Variants in MARCHF7 observed in about 807,000 individuals in gnomAD.
MARCHF7 encodes E3 ubiquitin-protein ligase MARCHF7.
MARCHF7 carries 20 observed loss-of-function variants against 76.5 expected under a neutral mutation model. The observed-to-expected ratio is 0.26, with a 90% CI of 0.18 to 0.38. The LOEUF is 0.38. Ranked by LOEUF, MARCHF7 falls within the 10% of genes least tolerant of loss-of-function variation. The probability of loss-of-function intolerance (pLI) is 1.00; values close to 1 mark genes in which losing one functional copy is unlikely to be tolerated. For synonymous variants in MARCHF7, 295 were observed against 293.0 expected (o/e 1.01, Z -0.07); for missense variants, 797 against 812.9 (o/e 0.98, Z 0.24).
intron 4 of MARCHF7, among the ~76,000 whole-genome samples, chr2:159,738,042 G>A (rs1417128591): frequency 6.6e-6 from 1 of 152,228 alleles, no homozygotes; most frequent in African/African-American, 2.4e-5. Context: ...CGCCTGCCAA[G>A]GGTGAGCCAG....
intron 7 of MARCHF7, among the ~76,000 whole-genome samples, chr2:159,749,540 G>T (rs1705353372): frequency 6.6e-6 from 1 of 151,736 alleles, no homozygotes; most frequent in Non-Finnish European, 1.5e-5. Flanking sequence ...TAGAGGCAGG[G>T]TTTCACCACA....
In MARCHF7 at chr2:159,741,673, G is replaced by T. The variant is rs547180993; in HGVS notation, c.154-1388G>T. Reference sequence around the variant, plus strand: ...GTAGACTGAAATTATGGCCCATGATGCATTCCATTTTAACTCTTTTGTTAA... The same window carrying T: ...GTAGACTGAAATTATGGCCCATGATTCATTCCATTTTAACTCTTTTGTTAA... On this transcript the variant is annotated intron_variant, in intron 4 of 11. Coordinates refer to ENST00000409175, the MANE Select transcript of MARCHF7 (RefSeq NM_001282805.2). Among the ~76,000 whole-genome samples, 15 of 152,270 alleles carry T rather than the reference G, an allele frequency of 9.9e-5. No homozygotes were observed. The South Asian group carries it at 3.1e-3, about 32-fold the overall frequency.
intron 5 of MARCHF7, 133 bp from the exon 6 acceptor site, chr2:159,745,637 C>T: frequency 1.7e-6 from 1 of 576,882 alleles, no homozygotes; most frequent in Non-Finnish European, 2.8e-6. Flanking sequence ...GCCTGGGTGA[C>T]AGAGTGAGAC....
intron 3 of MARCHF7, among the ~76,000 whole-genome samples, chr2:159,721,421 T>G (rs1285016913): frequency 6.6e-6 from 1 of 152,236 alleles, no homozygotes; most frequent in Non-Finnish European, 1.5e-5. Context: ...TTTACTCTTG[T>G]TGCTGTGTCA....
intron 4 of MARCHF7, among the ~76,000 whole-genome samples, chr2:159,731,879 C>T (rs566818064): frequency 1.3e-3 from 202 of 151,840 alleles, no homozygotes; most frequent in African/African-American, 4.6e-3. Flanking sequence ...CTTAGGCAGG[C>T]GGATCACAAG....
chr2:159,743,452 T>C (rs1035218687), intron 5 of MARCHF7, among the ~76,000 whole-genome samples, 199 bp downstream of exon 5: 16 of 152,310 alleles, frequency 1.1e-4, no homozygotes, highest in Admixed American at 7.8e-4. Flanking sequence ...GATATAGATA[T>C]CCTAAACAGG....
At chr2:159,764,577 T>A in intron 10 of MARCHF7, 49 bp from the exon 11 acceptor site, 1 of 1,415,118 alleles carries the variant, frequency 7.1e-7, no homozygotes, top group South Asian at 1.3e-5. Flanking sequence ...TCTCTTTAGA[T>A]CCATTTGCAA....
intron 9 of MARCHF7, among the ~76,000 whole-genome samples, chr2:159,761,406 CTTTTTTTTTTTTTT>C (rs747902045): frequency 4.1e-5 from 3 of 73,780 alleles, no homozygotes; most frequent in African/African-American, 1.6e-4. Flanking sequence ...TGAATCATTT[CTTTTTTTTTTTTTT>C]TTTTTTTTTT....
chr2:159,761,027 ATT>A (rs34380779), intron 9 of MARCHF7, among the ~76,000 whole-genome samples: 19 of 139,828 alleles, frequency 1.4e-4, no homozygotes, highest in Admixed American at 2.2e-4. Context: ...TAACCATTTA[ATT>A]TTTTTTTTTT....
At chr2:159,747,782 G>T (rs778780553) in intron 6 of MARCHF7, 23 bp from the exon 7 acceptor site, 7 of 1,534,426 alleles carry the variant, frequency 4.6e-6, no homozygotes, top group East Asian at 2.3e-5. Flanking sequence ...TCATGTAATT[G>T]GTTATCTTCC....
At chr2:159,732,980 G>A in intron 4 of MARCHF7, 1 of 958,174 alleles carries the variant, frequency 1.0e-6, no homozygotes, top group African/African-American at 1.8e-5. Flanking sequence ...TACATGTGAA[G>A]CACTTGGAAC....
At position 159,721,671 on chromosome 2, in the gene MARCHF7, T is replaced by A. The variant is rs78698505; in HGVS notation, c.-15+5905T>A. Among the ~76,000 whole-genome samples, 1,451 of 152,320 alleles carry A rather than the reference T, an allele frequency of 9.5e-3. 9 individuals are homozygous for A. Among genetic ancestry groups the A allele is most frequent in the Non-Finnish European group, 0.016 (1,060 of 68,024 alleles). On this transcript the variant is annotated intron_variant, in intron 3 of 11. Coordinates refer to ENST00000409175, the MANE Select transcript of MARCHF7 (RefSeq NM_001282805.2). ...CACACTCAATACCAGTTCTGGAGAATAGAAAGTGTAGCCTCTTGTCAGTGC... is the reference window on the plus strand; with the variant it reads ...CACACTCAATACCAGTTCTGGAGAAAAGAAAGTGTAGCCTCTTGTCAGTGC...
chr2:159,733,810 C>T, intron 4 of MARCHF7: 3 of 985,364 alleles, frequency 3.0e-6, no homozygotes, highest in Non-Finnish European at 3.6e-6. Flanking sequence ...GTTCTGAAAT[C>T]TAGAAATATA....
At position 159,748,002 on chromosome 2, in the gene MARCHF7, A is replaced by T; in HGVS notation, c.712A>T (p.Thr238Ser). The T allele has an allele frequency of 6.2e-7, 1 of 1,614,182 alleles. No individual in the cohort carries two copies. Among genetic ancestry groups the T allele is most frequent in the Non-Finnish European group, 8.5e-7 (1 of 1,180,014 alleles). ...SRESESSRSN[T>S]QPGFSYSSSR... is the part of the protein sequence containing the mutation. ...AGAATCAGAATCTTCCCGAAGCAAT[A>T]CGCAGCCTGGATTTTCTTACAGTTC... The change falls in exon 7 of 12, where the codon ACG becomes TCG. Residue 238 changes from threonine to serine, a missense_variant. Transcript: ENST00000409175.
At chr2:159,746,970 A>G (rs1367641246) in intron 6 of MARCHF7, among the ~76,000 whole-genome samples, 1 of 152,216 alleles carries the variant, frequency 6.6e-6, no homozygotes, top group South Asian at 2.1e-4. Context: ...TTTGGAGTAT[A>G]AAAGTACAGG....
chr2:159,727,459 G>A (rs1438607837), intron 3 of MARCHF7, among the ~76,000 whole-genome samples: 1 of 151,982 alleles, frequency 6.6e-6, no homozygotes, highest in African/African-American at 2.4e-5. Flanking sequence ...GTGGTGGCGG[G>A]AGCCTGTAGT....
At chr2:159,734,317 T>G (rs1424661382) in intron 4 of MARCHF7, among the ~76,000 whole-genome samples, 1 of 136,316 alleles carries the variant, frequency 7.3e-6, no homozygotes, top group Non-Finnish European at 1.6e-5. Flanking sequence ...TTAAAGTTAT[T>G]GATACCTTTT....
chr2:159,770,570 G>A lies in MARCHF7; in HGVS notation c.*3228G>A, dbSNP rs1708110748. ...TGATGGGGTGTGGATTCAGAAGAGG[G>A]ATTACTTTTCTTTGAGCCTCAGACT... On this transcript the variant is annotated 3_prime_UTR_variant, in exon 12 of 12. Coordinates refer to ENST00000409175, the MANE Select transcript of MARCHF7 (RefSeq NM_001282805.2). The A allele has an allele frequency of 6.6e-6, 1 of 152,104 alleles. No individual in the cohort carries two copies. Among genetic ancestry groups the A allele is most frequent in the Non-Finnish European group, 1.5e-5 (1 of 68,008 alleles). The allele number at this position is 152,104 out of a possible 1,614,324, so 9.4% of individuals were successfully genotyped here.
chr2:159,757,800 A>G (rs1331236508), intron 8 of MARCHF7, among the ~76,000 whole-genome samples: 1 of 152,224 alleles, frequency 6.6e-6, no homozygotes, highest in Non-Finnish European at 1.5e-5. Flanking sequence ...TTACATTTTC[A>G]TGTATGCTAG....
Sources: gnomAD v4.1 joint callset for allele counts (sites outside exome capture counted in the v4.1 genomes callset) on GRCh38, gnomAD v4.1.1 for gene constraint, MANE v1.5 for transcripts, NCBI Gene and HGNC (gene_info 2026-07-23, HGNC 2026-07-21) for gene names.